Variants in DENND5A observed in about 807,000 individuals in gnomAD.
DENND5A encodes the protein DENN domain containing 5A.
DENND5A carries 64 observed loss-of-function variants against 140.3 expected under a neutral mutation model. The observed-to-expected ratio is 0.46, with a 90% CI of 0.37 to 0.56. The LOEUF is 0.56. Ranked by LOEUF, DENND5A falls within the 20% of genes least tolerant of loss-of-function variation. The pLI, the probability that DENND5A is intolerant of heterozygous loss-of-function variation, is 0.00. For missense variants in DENND5A, 1,292 were observed against 1,593.8 expected (o/e 0.81, Z 3.22); for synonymous variants, 605 against 607.7 (o/e 1.00, Z 0.07).
intron 1 of DENND5A, among the ~76,000 whole-genome samples, chr11:9,261,700 C>A (rs906376411): frequency 1.4e-5 from 2 of 144,480 alleles, no homozygotes; most frequent in African/African-American, 5.1e-5. Context: ...ATTGCTTGAA[C>A]CTGGGAGACG....
At chr11:9,140,527 A>G (rs1847201822) in intron 22 of DENND5A, among the ~76,000 whole-genome samples, 1 of 152,190 alleles carries the variant, frequency 6.6e-6, no homozygotes, top group Non-Finnish European at 1.5e-5. Flanking sequence ...TCTAATGCAT[A>G]CCACCCATAA....
chr11:9,145,771 C>A lies in DENND5A; in HGVS notation c.2902G>T (p.Gly968Cys). Reference protein sequence around the residue: ...ILIVPSKKLGGSMFTANPWIC... With the variant: ...ILIVPSKKLGCSMFTANPWIC... Reference sequence around the variant, plus strand: ...CATGGGTTGGCAGTGAACATGGAGCCCCCCAGCTTCTTGCTTGGTACGATC... The same window carrying A: ...CATGGGTTGGCAGTGAACATGGAGCACCCCAGCTTCTTGCTTGGTACGATC... Residue 968 changes from glycine (G) to cysteine (C), a missense_variant, in exon 17 of 23, where the codon GGC becomes TGC. Around this residue, in one of 4 missense-constraint regions of DENND5A, gnomAD observed 498 missense variants for 689.7 expected, o/e 0.72. Transcript: ENST00000328194. 1 of 1,614,146 alleles carries A rather than the reference C, an allele frequency of 6.2e-7. No individual in the cohort carries two copies. Among genetic ancestry groups the A allele is most frequent in the Non-Finnish European group, 8.5e-7 (1 of 1,180,016 alleles).
chr11:9,152,291 T>C, intron 13 of DENND5A, 67 bp downstream of exon 13: 1 of 1,192,804 alleles, frequency 8.4e-7, no homozygotes, highest in Non-Finnish European at 1.3e-6. Flanking sequence ...TGCTTCAAAG[T>C]GATCACGCCA....
At chr11:9,210,881 G>A (rs1181317009) in intron 1 of DENND5A, among the ~76,000 whole-genome samples, 1 of 152,148 alleles carries the variant, frequency 6.6e-6, no homozygotes, top group African/African-American at 2.4e-5. Context: ...AAAGATCTGT[G>A]AAACTACAAT....
At chr11:9,148,422 G>C (rs1461315699) in intron 15 of DENND5A, among the ~76,000 whole-genome samples, 1 of 152,066 alleles carries the variant, frequency 6.6e-6, no homozygotes, top group African/African-American at 2.4e-5. Flanking sequence ...CAGTAAGTAA[G>C]GGGTTTCTGC....
intron 1 of DENND5A, among the ~76,000 whole-genome samples, chr11:9,228,380 G>C (rs1210395012): frequency 6.6e-6 from 1 of 152,100 alleles, no homozygotes; most frequent in East Asian, 1.9e-4. Flanking sequence ...AGAGGAGAGA[G>C]ACGCTGAAGT....
chr11:9,152,419 G>C lies in DENND5A; in HGVS notation c.2460C>G (p.His820Gln). ...VKQGKSALWS[H>Q]LLHYQDNRQR... ...GCCGGTTGTCCTGATAATGTAACAG[G>C]TGGGACCATAAGGCTGATTTCCCCT... Residue 820 changes from histidine (H) to glutamine (Q), a missense_variant, in exon 13 of 23, where the codon CAC becomes CAG. His to Gln is a conservative substitution (Grantham distance 24). Transcript: ENST00000328194. The C allele has an allele frequency of 6.2e-7, 1 of 1,613,790 alleles. No individual in the cohort carries two copies. The highest frequency in any genetic ancestry group is 8.5e-7 in the Non-Finnish European group (1 of 1,179,706).
chr11:9,144,165 G>T lies in DENND5A; in HGVS notation c.3236C>A (p.Thr1079Asn), dbSNP rs771272852. 2 of 1,614,004 alleles carry T rather than the reference G, an allele frequency of 1.2e-6. No individual in the cohort carries two copies. The highest frequency in any genetic ancestry group is 1.7e-6 in the Non-Finnish European group (2 of 1,180,006). ...ACTGGGGGACTGCTGCAGCGGCGGGGTCCGGCATGGCCTCTCATCCACCTC... is the reference window on the plus strand; with the variant it reads ...ACTGGGGGACTGCTGCAGCGGCGGGTTCCGGCATGGCCTCTCATCCACCTC... ...QPEVDERPCR[T>N]PPLQQSPSVI... The change falls in exon 19 of 23, where the codon ACC becomes AAC. Residue 1079 changes from threonine to asparagine, a missense_variant. Coordinates refer to ENST00000328194, the MANE Select transcript of DENND5A (RefSeq NM_015213.4).
intron 22 of DENND5A, chr11:9,140,196 A>T: frequency 7.4e-7 from 1 of 1,348,366 alleles, no homozygotes; most frequent in Non-Finnish European, 9.7e-7. Context: ...AACCTCACAT[A>T]ACACTCAGCA....
chr11:9,195,339 G>T (rs552903767), intron 4 of DENND5A, among the ~76,000 whole-genome samples: 9 of 152,244 alleles, frequency 5.9e-5, no homozygotes, highest in South Asian at 4.1e-4. Flanking sequence ...GCCTCCCAAA[G>T]TGCTGGGATT....
At chr11:9,209,202 G>T (rs1320823366) in intron 1 of DENND5A, among the ~76,000 whole-genome samples, 1 of 152,100 alleles carries the variant, frequency 6.6e-6, no homozygotes, top group Non-Finnish European at 1.5e-5. Flanking sequence ...CTCTGTAAAG[G>T]AAAGACGCCT....
At chr11:9,223,366 C>T (rs1850395661) in intron 1 of DENND5A, among the ~76,000 whole-genome samples, 2 of 151,962 alleles carry the variant, frequency 1.3e-5, no homozygotes, top group African/African-American at 4.8e-5. Context: ...TGGTGAAAAC[C>T]CCATCTCTAC....
chr11:9,236,550 A>G (rs1406219308), intron 1 of DENND5A, among the ~76,000 whole-genome samples: 5 of 152,110 alleles, frequency 3.3e-5, no homozygotes, highest in African/African-American at 1.2e-4. Flanking sequence ...GAAAGAAAAA[A>G]AAAAGAAATA....
rs56879368 is a variant in DENND5A at position 9,228,718 on chromosome 11, C to CA, written c.110-21087dup. On this transcript the variant is annotated intron_variant, in intron 1 of 22. Coordinates refer to ENST00000328194, the MANE Select transcript of DENND5A (RefSeq NM_015213.4). ...TGGGCAGCAGAGTGAGACACCGTCT[C>CA]AAAAAAAAAAAAAACATAAACAACA... 5.8e-3 allele frequency among the ~76,000 whole-genome samples: 772 copies of CA among 133,662 alleles called. 4 individuals are homozygous for CA. The highest frequency in any genetic ancestry group is 0.015 in the African/African-American group (553 of 36,846). The allele number at this position is 133,662 out of a possible 152,430, so 87.7% of individuals were successfully genotyped here.
intron 8 of DENND5A, among the ~76,000 whole-genome samples, chr11:9,172,492 G>A (rs1182888638): frequency 2.0e-5 from 3 of 152,210 alleles, no homozygotes; most frequent in Admixed American, 6.5e-5. Context: ...CCCCATGTGT[G>A]GTGGGAGGGA....
intron 1 of DENND5A, among the ~76,000 whole-genome samples, chr11:9,223,088 A>T (rs1850378525): frequency 6.6e-6 from 1 of 152,194 alleles, no homozygotes; most frequent in African/African-American, 2.4e-5. Context: ...TTGTCTCTGA[A>T]AGTTAAAACT....
intron 1 of DENND5A, among the ~76,000 whole-genome samples, chr11:9,235,649 C>T (rs536419678): frequency 6.7e-5 from 10 of 149,446 alleles, no homozygotes; most frequent in African/African-American, 2.5e-4. Flanking sequence ...CAGAGCAAGA[C>T]TCTGTCTCAA....
At chr11:9,181,113 G>C in intron 5 of DENND5A, 29 bp from the exon 6 acceptor site, 1 of 1,589,712 alleles carries the variant, frequency 6.3e-7, no homozygotes, top group South Asian at 1.1e-5. Flanking sequence ...TGAGGAGTAT[G>C]AATAACTCCA....
At chr11:9,204,388 A>G (rs753568678) in intron 3 of DENND5A, 71 bp from the exon 4 acceptor site, 23 of 1,407,620 alleles carry the variant, frequency 1.6e-5, no homozygotes, top group Non-Finnish European at 2.1e-5. Flanking sequence ...CACCATCACT[A>G]TTTATTTATT....
Sources: gnomAD v4.1 joint callset for allele counts (sites outside exome capture counted in the v4.1 genomes callset) on GRCh38, gnomAD v4.1.1 for gene constraint, gnomAD v4.1.1 regional missense constraint, MANE v1.5 for transcripts, NCBI Gene and HGNC (gene_info 2026-07-23, HGNC 2026-07-21) for gene names.